The following SLC4A9 variants were observed in gnomAD, a reference collection of about 807,000 sequenced individuals.
SLC4A9 encodes the protein anion exchange protein 4.
A neutral mutation model predicts 103.2 loss-of-function variants in SLC4A9; 102 were observed. The ratio of observed to expected loss-of-function variants is 0.99; its 90% confidence interval spans 0.84 to 1.17. SLC4A9 has a LOEUF of 1.17. SLC4A9 is among the 50% of genes most tolerant of loss of function. The pLI, the probability that SLC4A9 is intolerant of heterozygous loss-of-function variation, is 0.00. For missense variants in SLC4A9, 1,091 were observed against 1,193.7 expected, an observed-to-expected ratio of 0.91 and a Z score of 1.27; for synonymous variants, 453 against 483.6, an observed-to-expected ratio of 0.94 and a Z score of 0.83.
chr5:140,373,604 C>A (rs1055214486), intron 21 of SLC4A9, among the ~76,000 whole-genome samples: 34 of 152,066 alleles, frequency 2.2e-4, no homozygotes, highest in Non-Finnish European at 3.2e-4. Flanking sequence ...AATTTGAAAT[C>A]CAAATAATGA....
chr5:140,365,487 G>C, intron 11 of SLC4A9, 33 bp from the exon 12 acceptor site: 1 of 1,589,764 alleles, frequency 6.3e-7, no homozygotes, highest in South Asian at 1.1e-5. Context: ...CCAGGGGAGG[G>C]AACATACATC....
Position 140,372,578 on chromosome 5 carries a change from A to G in SLC4A9, c.2827-167A>G, listed in dbSNP as rs551818932. On this transcript the variant is annotated intron_variant, in intron 20 of 21. Transcript: ENST00000506757. ...GGTGAAGGAAATCTTTCTTCATAGGACAGGGGCCCTCGATGTGGGTGGAAA... is the reference window on the plus strand; with the variant it reads ...GGTGAAGGAAATCTTTCTTCATAGGGCAGGGGCCCTCGATGTGGGTGGAAA... 110 of 1,442,102 alleles carry G rather than the reference A, an allele frequency of 7.6e-5. 1 individual carries two copies. In the African/African-American group the frequency reaches 1.4e-3, roughly 18 times the overall value. 89.3% of individuals were successfully genotyped at this position (1,442,102 alleles called of 1,614,324 possible). A position where few individuals can be genotyped will look rare whatever the true frequency, so the allele number is the denominator to read the frequency against.
chr5:140,362,153 CTGAGGTGTCCCTCCCAAGCAGG>C lies in SLC4A9; in HGVS notation c.704_719+6del. 1 of 1,548,858 alleles carries C rather than the reference CTGAGGTGTCCCTCCCAAGCAGG, an allele frequency of 6.5e-7. No homozygotes were observed. Among genetic ancestry groups the C allele is most frequent in the Non-Finnish European group, 8.7e-7 (1 of 1,155,364 alleles). On this transcript the variant is annotated splice_donor_variant and coding_sequence_variant, in exon 5 of 22. Transcript: ENST00000506757. LOFTEE classifies it high-confidence loss of function. ...AACCCTGTGGTACTGGGGTCCCTTA[CTGAGGTGTCCCTCCCAAGCAGG>C]TGAGGCTACTGAGTGAGTGGGAGTC... is the stretch of plus-strand genomic sequence containing the variant.
rs36008662 is a variant in SLC4A9, at chr5:140,367,883, A to G, written c.2339A>G (p.Asn780Ser). ...SRACAPGERP[N>S]FLGIREQRLT... ...GCCTGTGCCCCCGGGGAGCGCCCCA[A>G]CTTCCTGGGTATCAGGTGAGGGCGG... Residue 780 changes from asparagine (N) to serine (S), a missense_variant, in exon 16 of 22, where the codon AAC (asparagine) becomes AGC (serine). Coordinates refer to ENST00000506757, the MANE Select transcript of SLC4A9 (RefSeq NM_031467.3). 1.6e-3 allele frequency: 2,596 copies of G among 1,613,808 alleles called. 2 individuals carry two copies. The highest frequency in any genetic ancestry group is 1.9e-3 in the Non-Finnish European group (2,291 of 1,179,832).
At position 140,364,520 on chromosome 5, in the gene SLC4A9, A is replaced by G. The variant is rs1164674542; in HGVS notation, c.1546A>G (p.Ile516Val). 2.5e-6 allele frequency: 4 copies of G among 1,611,074 alleles called. No homozygotes were observed. The South Asian group carries it at 4.4e-5, about 18-fold the overall frequency. The change falls in exon 11 of 22, where the codon ATC (isoleucine) becomes GTC (valine). Residue 516 changes from isoleucine to valine, a missense_variant. Ile to Val is a conservative substitution (Grantham distance 29). Coordinates refer to ENST00000506757, the MANE Select transcript of SLC4A9 (RefSeq NM_031467.3). ...GFCALISLIF[I>V]YDAVGKMLNL... ...CTGTGCCCTCATCAGCCTCATCTTC[A>G]TCTACGATGCTGTGGGCAAAATGCT...
rs543384151 is a variant in SLC4A9, at chr5:140,363,182, G to A, written c.962+116G>A. 71 of 1,371,276 alleles carry A rather than the reference G, an allele frequency of 5.2e-5. 1 individual carries two copies. The East Asian group carries it at 1.7e-3, about 33-fold the overall frequency. The allele number at this position is 1,371,276 out of a possible 1,614,324, so 84.9% of individuals were successfully genotyped here. ...GAGATAGGGACCTATCTTTGGATTT[G>A]GAGTCAGGCAGACCTAACTCTGAGT... On this transcript the variant is annotated intron_variant, in intron 7 of 21. Transcript: ENST00000506757. This position sits in a 1 kb window ranked among gnomAD's most constrained non-coding sequence, Gnocchi z 4.5.
At chr5:140,367,610 C>T (rs1768083207) in intron 15 of SLC4A9, 29 bp downstream of exon 15, 1 of 1,599,776 alleles carries the variant, frequency 6.3e-7, no homozygotes, top group East Asian at 2.3e-5. Flanking sequence ...GGCCCAAGAC[C>T]AAGGGACAGA....
At position 140,367,550 on chromosome 5, in the gene SLC4A9, T is replaced by A; in HGVS notation, c.2144T>A (p.Val715Asp). The change falls in exon 15 of 22, where the codon GTC becomes GAC. Residue 715 changes from valine (V) to aspartate (D), a missense_variant. Val to Asp is a radical substitution (Grantham distance 152). Coordinates refer to ENST00000506757, the MANE Select transcript of SLC4A9 (RefSeq NM_031467.3). ...TTCATGGACCAACAGATCACAGCAGTCATCCTCAACCGCATGGAATACAGA... is the reference window on the plus strand; with the variant it reads ...TTCATGGACCAACAGATCACAGCAGACATCCTCAACCGCATGGAATACAGA... ...LIFMDQQITA[V>D]ILNRMEYRLQ... is the part of the protein sequence containing the mutation. 1 of 1,603,864 alleles carries A rather than the reference T, an allele frequency of 6.2e-7. No individual in the cohort carries two copies. Among genetic ancestry groups the A allele is most frequent in the Non-Finnish European group, 8.5e-7 (1 of 1,175,392 alleles).
chr5:140,362,197 A>G lies in SLC4A9; in HGVS notation c.719+23A>G. 2.0e-6 allele frequency: 3 copies of G among 1,503,646 alleles called. No individual in the cohort carries two copies. In the South Asian group the frequency reaches 4.1e-5, roughly 21 times the overall value. The allele number at this position is 1,503,646 out of a possible 1,614,324, so 93.1% of individuals were successfully genotyped here. ...CAGGTGAGGCTACTGAGTGAGTGGG[A>G]GTCAGGGATCCCAGAACCTAGAAGG... On this transcript the variant is annotated intron_variant, in intron 5 of 21. Coordinates refer to ENST00000506757, the MANE Select transcript of SLC4A9 (RefSeq NM_031467.3).
rs1332615560 is a variant in SLC4A9, at chr5:140,360,479, C to T, written c.230+13C>T. On this transcript the variant is annotated intron_variant, in intron 1 of 21. Transcript: ENST00000506757. Reference sequence around the variant, plus strand: ...GAGAGACAGGCAGGTAAGTTGGATGCAGGCCAGTTCTGTGGGATCCTTCCC... The same window carrying T: ...GAGAGACAGGCAGGTAAGTTGGATGTAGGCCAGTTCTGTGGGATCCTTCCC... 1 of 1,556,310 alleles carries T rather than the reference C, an allele frequency of 6.4e-7. No individual in the cohort carries two copies. The highest frequency in any genetic ancestry group is 1.2e-5 in the South Asian group (1 of 84,636).
At position 140,362,563 on chromosome 5, in the gene SLC4A9, C is replaced by T. The variant is rs372673353; in HGVS notation, c.807+31C>T. 253 of 1,596,962 alleles carry T rather than the reference C, an allele frequency of 1.6e-4. 1 individual carries two copies. The African/African-American group carries it at 1.9e-3, about 12-fold the overall frequency. ...CTGAGCAGGTGTGTGTGTGTGCGCG[C>T]GCACGCGTGCATGCCTGTGTGTGTG... On this transcript the variant is annotated intron_variant, in intron 6 of 21. Coordinates refer to ENST00000506757, the MANE Select transcript of SLC4A9 (RefSeq NM_031467.3).
rs751730127 is a variant in SLC4A9, at chr5:140,372,280, G to A, written c.2709G>A (p.Arg903=). The change falls in exon 20 of 22, where the codon AGG becomes AGA. Residue 903 remains arginine (R), a synonymous_variant. Coordinates refer to ENST00000506757, the MANE Select transcript of SLC4A9 (RefSeq NM_031467.3). ...TGGGGGTCCGAAAGGCCCTGGAGAG[G>A]GTCTTCTCACCACAGGAACTCCTCT... ...GLVGVRKALE[R]VFSPQELLWL... is the part of the protein sequence containing the mutation. 5 of 1,597,276 alleles carry A rather than the reference G, an allele frequency of 3.1e-6. No homozygotes were observed. The Admixed American group carries it at 5.6e-5, about 18-fold the overall frequency.
In SLC4A9 at chr5:140,363,227, G is replaced by A. The variant is rs1366982560; in HGVS notation, c.962+161G>A. 6.6e-6 allele frequency among the ~76,000 whole-genome samples: 1 copy of A among 152,110 alleles called. No homozygotes were observed. Among genetic ancestry groups the A allele is most frequent in the African/African-American group, 2.4e-5 (1 of 41,426 alleles). On this transcript the variant is annotated intron_variant, in intron 7 of 21. Transcript: ENST00000506757. This position sits in a 1 kb window ranked among gnomAD's most constrained non-coding sequence, Gnocchi z 4.5. The stretch of plus-strand genomic sequence containing the variant: ...CTGAGTTCTGCTGGACTACTCTCTC[G>A]CTAAGAGACCTGAACAAAGACCTTC...
chr5:140,370,464 CA>C (rs397976586), intron 17 of SLC4A9, among the ~76,000 whole-genome samples: 77 of 90,828 alleles, frequency 8.5e-4, no homozygotes, highest in East Asian at 2.3e-3. Flanking sequence ...AACTCCACCT[CA>C]AAAAAAAAAA....
rs1350927197 is a variant in SLC4A9 at position 140,360,983 on chromosome 5, A to T, written c.391+11A>T. Reference sequence around the variant, plus strand: ...TCCTGGAGCTCGTGGGTAGGCTGGGATCCTTTGCAGGAAGGGCCTGGGTAG... The same window carrying T: ...TCCTGGAGCTCGTGGGTAGGCTGGGTTCCTTTGCAGGAAGGGCCTGGGTAG... On this transcript the variant is annotated intron_variant, in intron 2 of 21. Transcript: ENST00000506757. 6.4e-7 allele frequency: 1 copy of T among 1,558,658 alleles called. No individual in the cohort carries two copies. The highest frequency in any genetic ancestry group is 1.4e-5 in the African/African-American group (1 of 73,636).
rs1767390609 is a variant in SLC4A9 at position 140,363,347 on chromosome 5, C to A, written c.963-92C>A. On this transcript the variant is annotated intron_variant, in intron 7 of 21. Transcript: ENST00000506757. The surrounding 1 kb of genome is among the most constrained non-coding windows in gnomAD (Gnocchi z 4.5). ...GTTCCCTCGCCGGCAGAGACAAGAG[C>A]AGCCGCTAGGGGGCAGGGCGCCACG... 6 of 1,226,124 alleles carry A rather than the reference C, an allele frequency of 4.9e-6. No homozygotes were observed. Among genetic ancestry groups the A allele is most frequent in the Non-Finnish European group, 6.9e-6 (6 of 871,614 alleles). The allele number at this position is 1,226,124 out of a possible 1,614,324, so 76.0% of individuals were successfully genotyped here.
Position 140,367,586 on chromosome 5 carries a change from G to A in SLC4A9, c.2175+5G>A, listed in dbSNP as rs1768079050. On this transcript the variant is annotated splice_donor_5th_base_variant and intron_variant, in intron 15 of 21. Coordinates refer to ENST00000506757, the MANE Select transcript of SLC4A9 (RefSeq NM_031467.3). ...CGCATGGAATACAGACTGCAGGTAAGGCCTGCTGGGTAAGGCCCAAGACCA... is the reference window on the plus strand; with the variant it reads ...CGCATGGAATACAGACTGCAGGTAAAGCCTGCTGGGTAAGGCCCAAGACCA... The A allele has an allele frequency of 6.2e-7, 1 of 1,601,630 alleles. No individual in the cohort carries two copies. Among genetic ancestry groups the A allele is most frequent in the African/African-American group, 1.3e-5 (1 of 74,558 alleles).
rs1415622890 is a variant in SLC4A9 at position 140,365,908 on chromosome 5, T to G, written c.1785T>G (p.Pro595=). ...GGCAGGGAGGCCACCCTCGTGGCCC[T>G]GGCTGTCATACAGTCCCAGACATTG... The part of the protein sequence containing the change: ...CTRQGGHPRG[P]GCHTVPDIAF... The change falls in exon 13 of 22, where the codon CCT becomes CCG. Residue 595 remains proline, a synonymous_variant. Coordinates refer to ENST00000506757, the MANE Select transcript of SLC4A9 (RefSeq NM_031467.3). The G allele has an allele frequency of 1.9e-6, 3 of 1,613,936 alleles. No individual in the cohort carries two copies. Among genetic ancestry groups the G allele is most frequent in the Non-Finnish European group, 1.7e-6 (2 of 1,179,902 alleles).
chr5:140,370,987 C>A (rs554340844), intron 17 of SLC4A9, 108 bp from the exon 18 acceptor site: 4 of 903,628 alleles, frequency 4.4e-6, no homozygotes, highest in Admixed American at 4.4e-5. Flanking sequence ...AAGGCCTGGG[C>A]AGACCTGGAT....
Sources: gnomAD v4.1 joint callset for allele counts (sites outside exome capture counted in the v4.1 genomes callset) on GRCh38, gnomAD v4.1.1 for gene constraint, Gnocchi (gnomAD v3.1) non-coding constraint, MANE v1.5 for transcripts, NCBI Gene and HGNC (gene_info 2026-07-23, HGNC 2026-07-21) for gene names.